Variants in CASP4 observed in about 807,000 individuals in gnomAD.
CASP4 encodes the protein caspase 4.
In CASP4, 29 loss-of-function variants were observed where a neutral mutation model predicts 41.3. The observed-to-expected ratio is 0.70, with a 90% CI of 0.52 to 0.96. The LOEUF is 0.96. Ranked by LOEUF, CASP4 falls within the 40% of genes least tolerant of loss-of-function variation. The pLI, the probability that CASP4 is intolerant of heterozygous loss-of-function variation, is 0.00. For missense variants in CASP4, 447 were observed against 460.6 expected, an observed-to-expected ratio of 0.97 and a Z score of 0.27; for synonymous variants, 185 against 158.4, an observed-to-expected ratio of 1.17 and a Z score of -1.26.
intron 1 of CASP4, among the ~76,000 whole-genome samples, chr11:104,956,058 T>C (rs1438171104): frequency 2.6e-5 from 4 of 152,048 alleles, no homozygotes; most frequent in African/African-American, 9.7e-5. Flanking sequence ...AGGAAAAAAG[T>C]TACATAATAT....
At chr11:104,949,095 A>C (rs943623870) in intron 5 of CASP4, 4 of 234,134 alleles carry the variant, frequency 1.7e-5, no homozygotes, top group Non-Finnish European at 2.5e-5. Context: ...GTGGCACTGC[A>C]ACATTCTACA....
chr11:104,950,015 AT>A (rs1860568535), intron 4 of CASP4, among the ~76,000 whole-genome samples: 1 of 152,012 alleles, frequency 6.6e-6, no homozygotes, highest in African/African-American at 2.4e-5. Flanking sequence ...GTATATTGCT[AT>A]GTGTTACTCA....
At chr11:104,960,690 G>A (rs985114175) in intron 1 of CASP4, among the ~76,000 whole-genome samples, 1 of 152,046 alleles carries the variant, frequency 6.6e-6, no homozygotes, top group South Asian at 2.1e-4. Context: ...GGCTGATCTC[G>A]AACTCCTGAC....
chr11:104,960,929 T>C (rs1860844727), intron 1 of CASP4, among the ~76,000 whole-genome samples: 1 of 152,254 alleles, frequency 6.6e-6, no homozygotes, highest in South Asian at 2.1e-4. Context: ...TTACTAATTA[T>C]TTACTGAATC....
At chr11:104,949,850 G>A (rs758077573) in intron 4 of CASP4, 73 bp from the exon 5 acceptor site, 10 of 1,419,220 alleles carry the variant, frequency 7.0e-6, no homozygotes, top group Non-Finnish European at 9.9e-6. Flanking sequence ...TTTACCATGA[G>A]CGAAACAAGA....
intron 1 of CASP4, among the ~76,000 whole-genome samples, chr11:104,966,140 C>G (rs56159831): frequency 6.6e-6 from 1 of 152,198 alleles, no homozygotes; most frequent in Non-Finnish European, 1.5e-5. Flanking sequence ...ATTACTCTTA[C>G]GCCATTGCAA....
Position 104,942,927 on chromosome 11 carries a change from G to A in CASP4, c.*52C>T, listed in dbSNP as rs1475066139. On this transcript the variant is annotated 3_prime_UTR_variant, in exon 9 of 9. Transcript: ENST00000444739. ...TAAATATGCAAGCTGTACTAATGAAGGTGCTCCTTGAAGTTGATTAAGGAG... is the reference window on the plus strand; with the variant it reads ...TAAATATGCAAGCTGTACTAATGAAAGTGCTCCTTGAAGTTGATTAAGGAG... 1 of 455,866 alleles carries A rather than the reference G, an allele frequency of 2.2e-6. No homozygotes were observed. Among genetic ancestry groups the A allele is most frequent in the Non-Finnish European group, 4.4e-6 (1 of 226,934 alleles). The allele number at this position is 455,866 out of a possible 1,614,324, so 28.2% of individuals were successfully genotyped here.
chr11:104,966,909 T>C (rs942354069), intron 1 of CASP4, among the ~76,000 whole-genome samples: 24 of 152,212 alleles, frequency 1.6e-4, no homozygotes, highest in African/African-American at 5.8e-4. Flanking sequence ...ACTGTATTGA[T>C]TGATGTTAAA....
At chr11:104,953,620 T>C (rs1229510565) in intron 2 of CASP4, among the ~76,000 whole-genome samples, 2 of 152,154 alleles carry the variant, frequency 1.3e-5, no homozygotes, top group African/African-American at 4.8e-5. Context: ...CACCCCTTCT[T>C]CATAGAGGAG....
chr11:104,955,628 A>G (rs1409782100), intron 1 of CASP4, among the ~76,000 whole-genome samples: 2 of 152,084 alleles, frequency 1.3e-5, no homozygotes, highest in African/African-American at 4.8e-5. Flanking sequence ...CTTGTTCTCA[A>G]TGAAAATTTA....
chr11:104,948,626 C>T lies in CASP4; in HGVS notation c.832G>A (p.Ala278Thr). The T allele has an allele frequency of 1.2e-6, 2 of 1,610,710 alleles. No individual in the cohort carries two copies. Among genetic ancestry groups the T allele is most frequent in the Non-Finnish European group, 1.7e-6 (2 of 1,177,952 alleles). The change falls in exon 6 of 9, where the codon GCC becomes ACC. Residue 278 changes from alanine to threonine, a missense_variant. Ala to Thr is a moderately conservative substitution (Grantham distance 58). Coordinates refer to ENST00000444739, the MANE Select transcript of CASP4 (RefSeq NM_001225.4). ...AGGTTCTCAGATGACTGTGAAGAGG[C>T]CACTTCCAAGGATGCTGGAGAGTCT... ...VRDSPASLEVASSQSSENLEE... is the reference protein window; with the variant it reads ...VRDSPASLEVTSSQSSENLEE...
intron 2 of CASP4, 172 bp from the exon 3 acceptor site, chr11:104,952,177 T>G (rs1305996707): frequency 7.1e-6 from 4 of 562,456 alleles, no homozygotes; most frequent in South Asian, 2.4e-5. Flanking sequence ...CTGGAAAAGA[T>G]AGAAAAGCAG....
At chr11:104,948,506 C>G (rs1460534952) in intron 6 of CASP4, 27 bp downstream of exon 6, 4 of 1,555,354 alleles carry the variant, frequency 2.6e-6, no homozygotes, top group Non-Finnish European at 3.5e-6. Flanking sequence ...GCCCACAAAT[C>G]CCTTACTGCC....
At chr11:104,964,695 A>G (rs2134660660) in intron 1 of CASP4, among the ~76,000 whole-genome samples, 1 of 152,296 alleles carries the variant, frequency 6.6e-6, no homozygotes, top group South Asian at 2.1e-4. Context: ...TCCTTGTACA[A>G]GGTTCTTGAT....
intron 8 of CASP4, 133 bp from the exon 9 acceptor site, chr11:104,943,106 C>A: frequency 2.6e-6 from 1 of 382,464 alleles, no homozygotes; most frequent in South Asian, 1.9e-5. Context: ...TCTGTGACAT[C>A]TTAGTCTATT....
At position 104,951,094 on chromosome 11, in the gene CASP4, T is replaced by C. The variant is rs776170124; in HGVS notation, c.377A>G (p.Tyr126Cys). The change falls in exon 4 of 9, where the codon TAT becomes TGT. Residue 126 changes from tyrosine (Y) to cysteine (C), a missense_variant. Tyr to Cys is a radical substitution (Grantham distance 194). Coordinates refer to ENST00000444739, the MANE Select transcript of CASP4 (RefSeq NM_001225.4). ...RLCKERAEEIYPIKERNNRTR... is the reference protein window; with the variant it reads ...RLCKERAEEICPIKERNNRTR... ...GCGGTTGTTTCTCTCCTTTATTGGA[T>C]AGATCTGCAGGATATGGAGATGCAA... 6.8e-6 allele frequency: 11 copies of C among 1,612,542 alleles called. No individual in the cohort carries two copies. The highest frequency in any genetic ancestry group is 9.3e-6 in the Non-Finnish European group (11 of 1,179,054).
At position 104,944,760 on chromosome 11, in the gene CASP4, C is replaced by A. The variant is rs763094897; in HGVS notation, c.1127G>T (p.Gly376Val). The A allele has an allele frequency of 1.9e-6, 3 of 1,604,092 alleles. No homozygotes were observed. The highest frequency in any genetic ancestry group is 1.7e-6 in the Non-Finnish European group (2 of 1,171,076). ...CTCAATACTTAACCATTTTCAATTG[C>A]CAGGAAAGAGGTAGAAATATCTTGT... ...SMTRYFYLFP[G>V]N is the part of the protein sequence containing the mutation. Residue 376 changes from glycine to valine, a missense_variant, in exon 8 of 9, where the codon GGC (glycine) becomes GTC (valine). Coordinates refer to ENST00000444739, the MANE Select transcript of CASP4 (RefSeq NM_001225.4).
At chr11:104,967,368 A>T (rs1309536490) in intron 1 of CASP4, among the ~76,000 whole-genome samples, 1 of 152,250 alleles carries the variant, frequency 6.6e-6, no homozygotes, top group African/African-American at 2.4e-5. Context: ...AATATGAGTG[A>T]AGTAAATACA....
At position 104,968,532 on chromosome 11, in the gene CASP4, C is replaced by T; in HGVS notation, c.-7G>A. 2 of 1,613,194 alleles carry T rather than the reference C, an allele frequency of 1.2e-6. No homozygotes were observed. The highest frequency in any genetic ancestry group is 1.7e-6 in the Non-Finnish European group (2 of 1,179,196). ...AAAAGGACTCACCTGCCATAGGGAA[C>T]AGCCTCTGTCCTTTTTTACAGCGTT... On this transcript the variant is annotated 5_prime_UTR_variant, in exon 1 of 9. Coordinates refer to ENST00000444739, the MANE Select transcript of CASP4 (RefSeq NM_001225.4).
Sources: allele counts gnomAD v4.1 joint callset (sites outside exome capture counted in the v4.1 genomes callset), GRCh38; gene constraint gnomAD v4.1.1; transcripts MANE v1.5; gene names NCBI Gene and HGNC (gene_info 2026-07-23, HGNC 2026-07-21).